Variants in KIRREL3 observed in about 807,000 individuals in gnomAD.
KIRREL3 encodes kin of IRRE-like protein 3.
KIRREL3 carries 36 observed loss-of-function variants against 89.7 expected under a neutral mutation model. The observed-to-expected ratio is 0.40, with a 90% confidence interval of 0.31 to 0.53. KIRREL3 has a LOEUF of 0.53. Among genes scored for constraint, KIRREL3 ranks in the 20% least tolerant of loss-of-function variants. KIRREL3 has a pLI of 0.49. For synonymous variants in KIRREL3, 445 were observed against 441.4 expected, an observed-to-expected ratio of 1.01 and a Z score of -0.10; for missense variants, 864 against 1,056.6, an observed-to-expected ratio of 0.82 and a Z score of 2.53.
chr11:126,493,806 C>T (rs565058481), intron 4 of KIRREL3, among the ~76,000 whole-genome samples: 83 of 152,122 alleles, frequency 5.5e-4, no homozygotes, highest in Non-Finnish European at 9.8e-4. Flanking sequence ...GGTGACAGGG[C>T]AGTCGCTGGC....
chr11:126,642,996 A>ATCCATCCATCCG lies in KIRREL3; in HGVS notation c.56-80085_56-80084insCGGATGGATGGA, dbSNP rs1171031624. Among the ~76,000 whole-genome samples the ATCCATCCATCCG allele has an allele frequency of 3.9e-3, 592 of 152,090 alleles. 1 individual carries two copies. The highest frequency in any genetic ancestry group is 0.013 in the African/African-American group (559 of 41,482). On this transcript the variant is annotated intron_variant, in intron 1 of 16. Coordinates refer to ENST00000525144, the MANE Select transcript of KIRREL3 (RefSeq NM_032531.4). The surrounding 1 kb of genome is among the most constrained non-coding windows in gnomAD (Gnocchi z 4.9). Reference sequence around the variant, plus strand: ...CTCCCTTCTTCCCTCCCATCCATCCATCCATCCATCCATCCATCCATCTAT... The same window carrying ATCCATCCATCCG: ...CTCCCTTCTTCCCTCCCATCCATCCATCCATCCATCCGTCCATCCATCCATCCATCCATCTAT...
Position 126,477,696 on chromosome 11 carries a change from A to C in KIRREL3, c.434-4230T>G, listed in dbSNP as rs1270605781. Among the ~76,000 whole-genome samples the C allele has an allele frequency of 1.3e-5, 2 of 152,174 alleles. No individual in the cohort carries two copies. Among genetic ancestry groups the C allele is most frequent in the East Asian group, 1.9e-4 (1 of 5,186 alleles). On this transcript the variant is annotated intron_variant, in intron 4 of 16. Coordinates refer to ENST00000525144, the MANE Select transcript of KIRREL3 (RefSeq NM_032531.4). The surrounding 1 kb of genome is among the most constrained non-coding windows in gnomAD (Gnocchi z 4.8). ...CTCTTGGTGCCAGGACAAGGACAGCACTGAGGGAATTTCCTCCAGTGTCCA... is the reference window on the plus strand; with the variant it reads ...CTCTTGGTGCCAGGACAAGGACAGCCCTGAGGGAATTTCCTCCAGTGTCCA...
chr11:126,760,863 A>C (rs1949646608), intron 1 of KIRREL3, among the ~76,000 whole-genome samples: 1 of 152,268 alleles, frequency 6.6e-6, no homozygotes, highest in African/African-American at 2.4e-5. Context: ...GAAACAGCCG[A>C]TGTGGAAAAA....
rs1266225022 is a variant in KIRREL3, at chr11:126,987,006, A to G, written c.55+13449T>C. Among the ~76,000 whole-genome samples, 1 of 152,098 alleles carries G rather than the reference A, an allele frequency of 6.6e-6. No individual in the cohort carries two copies. The highest frequency in any genetic ancestry group is 1.5e-5 in the Non-Finnish European group (1 of 68,004). On this transcript the variant is annotated intron_variant, in intron 1 of 16. Transcript: ENST00000525144. The surrounding 1 kb of genome is among the most constrained non-coding windows in gnomAD (Gnocchi z 4.6). ...CAGGCTGCTGGTCAAAACCCTTCTG[A>G]TGTAGAAGGTCTGGACTGGGGTCCA...
rs1949965714 is a variant in KIRREL3, at chr11:126,769,904, G to A, written c.56-206992C>T. Among the ~76,000 whole-genome samples, 1 of 152,280 alleles carries A rather than the reference G, an allele frequency of 6.6e-6. No homozygotes were observed. Among genetic ancestry groups the A allele is most frequent in the African/African-American group, 2.4e-5 (1 of 41,538 alleles). On this transcript the variant is annotated intron_variant, in intron 1 of 16. Coordinates refer to ENST00000525144, the MANE Select transcript of KIRREL3 (RefSeq NM_032531.4). The surrounding 1 kb of genome is among the most constrained non-coding windows in gnomAD (Gnocchi z 4.3). ...TAAAGGTAATAACACATACCCAGGGGGGTTGGCTTGGCGGAGTGTTGGGCA... is the reference window on the plus strand; with the variant it reads ...TAAAGGTAATAACACATACCCAGGGAGGTTGGCTTGGCGGAGTGTTGGGCA...
At chr11:126,936,695 C>T (rs921019117) in intron 1 of KIRREL3, 3 of 152,040 alleles carry the variant, frequency 2.0e-5, no homozygotes, top group Non-Finnish European at 4.4e-5. Context: ...TACGAAATGT[C>T]CAGAAAAGAC....
intron 1 of KIRREL3, among the ~76,000 whole-genome samples, chr11:126,852,628 G>A (rs949857925): frequency 6.6e-6 from 1 of 152,162 alleles, no homozygotes; most frequent in African/African-American, 2.4e-5. Flanking sequence ...ATCATGATGA[G>A]GTGAGCAAAG....
At chr11:126,591,131 C>A (rs1591788207) in intron 1 of KIRREL3, among the ~76,000 whole-genome samples, 1 of 152,222 alleles carries the variant, frequency 6.6e-6, no homozygotes, top group Non-Finnish European at 1.5e-5. Context: ...GAGTCTGAGG[C>A]AGGAGGATCG....
In KIRREL3 at chr11:126,786,964, G is replaced by A. The variant is rs1445820568; in HGVS notation, c.55+213491C>T. Reference sequence around the variant, plus strand: ...GAAGGAGCTGCTATTCCTGCAAGCAGGGGTTGGAAGGGAGAGGCAGTGGCT... The same window carrying A: ...GAAGGAGCTGCTATTCCTGCAAGCAAGGGTTGGAAGGGAGAGGCAGTGGCT... On this transcript the variant is annotated intron_variant, in intron 1 of 16. Transcript: ENST00000525144. Among the ~76,000 whole-genome samples the A allele has an allele frequency of 3.9e-5, 6 of 152,208 alleles. 1 individual carries two copies. Among genetic ancestry groups the A allele is most frequent in the Admixed American group, 3.9e-4 (6 of 15,280 alleles).
chr11:126,646,850 A>G (rs1944709899), intron 1 of KIRREL3, among the ~76,000 whole-genome samples: 1 of 152,196 alleles, frequency 6.6e-6, no homozygotes, highest in Non-Finnish European at 1.5e-5. Context: ...AACAAAACCA[A>G]TCTACCTACC....
At chr11:126,661,054 A>G (rs1177970485) in intron 1 of KIRREL3, among the ~76,000 whole-genome samples, 1 of 152,214 alleles carries the variant, frequency 6.6e-6, no homozygotes, top group Non-Finnish European at 1.5e-5. Context: ...CTTCTGTCAT[A>G]TAACATCTTG....
Position 126,687,995 on chromosome 11 carries a change from C to T in KIRREL3, c.56-125083G>A, listed in dbSNP as rs554760839. On this transcript the variant is annotated intron_variant, in intron 1 of 16. Transcript: ENST00000525144. The surrounding 1 kb of genome is among the most constrained non-coding windows in gnomAD (Gnocchi z 4.6). ...TGCCAGTTAAATTTGAGAGAGAAAT[C>T]ATTTTATTTACGAAAATGTCAAGGG... Among the ~76,000 whole-genome samples the T allele has an allele frequency of 6.6e-6, 1 of 152,240 alleles. No homozygotes were observed. The highest frequency in any genetic ancestry group is 6.5e-5 in the Admixed American group (1 of 15,284).
rs1183595352 is a variant in KIRREL3 at position 126,520,856 on chromosome 11, A to G, written c.433+459T>C. Among the ~76,000 whole-genome samples, 1 of 152,186 alleles carries G rather than the reference A, an allele frequency of 6.6e-6. No individual in the cohort carries two copies. The highest frequency in any genetic ancestry group is 2.4e-5 in the African/African-American group (1 of 41,438). ...TCACTGGTGTCCACATGGATACTAG[A>G]ATCATGGGGAGAATCGGGCTGATTC... On this transcript the variant is annotated intron_variant, in intron 4 of 16. Transcript: ENST00000525144. The surrounding 1 kb of genome is among the most constrained non-coding windows in gnomAD (Gnocchi z 4.9).
In KIRREL3 at chr11:126,928,642, G is replaced by A. The variant is rs112665275; in HGVS notation, c.55+71813C>T. Among the ~76,000 whole-genome samples, 341 of 152,334 alleles carry A rather than the reference G, an allele frequency of 2.2e-3. 2 individuals carry two copies. Among genetic ancestry groups the A allele is most frequent in the African/African-American group, 7.8e-3 (326 of 41,570 alleles). On this transcript the variant is annotated intron_variant, in intron 1 of 16. Coordinates refer to ENST00000525144, the MANE Select transcript of KIRREL3 (RefSeq NM_032531.4). The stretch of plus-strand genomic sequence containing the variant: ...GTTAGCCATGCTTGGGGGAGAGCAA[G>A]GTCTCAGTTAATGCAAAAGACCCTC...
intron 4 of KIRREL3, among the ~76,000 whole-genome samples, chr11:126,505,855 A>G (rs1957999462): frequency 6.6e-6 from 1 of 152,234 alleles, no homozygotes; most frequent in Admixed American, 6.5e-5. Flanking sequence ...AATACTCAAT[A>G]TTGTTAAGGT....
chr11:126,451,455 C>A (rs1032905899), intron 7 of KIRREL3, among the ~76,000 whole-genome samples: 3 of 108,326 alleles, frequency 2.8e-5, no homozygotes, highest in Non-Finnish European at 5.7e-5. Flanking sequence ...CAAGTGCATG[C>A]GCATGTGTGG....
rs1946261604 is a variant in KIRREL3 at position 126,677,733 on chromosome 11, C to T, written c.56-114821G>A. ...AATGAGTCCAGGGGAGCCCCCTGGA[C>T]CAAAGCAGGACAGAGCTAATTCCAG... On this transcript the variant is annotated intron_variant, in intron 1 of 16. Coordinates refer to ENST00000525144, the MANE Select transcript of KIRREL3 (RefSeq NM_032531.4). This position sits in a 1 kb window ranked among gnomAD's most constrained non-coding sequence, Gnocchi z 5.1. 6.6e-6 allele frequency among the ~76,000 whole-genome samples: 1 copy of T among 152,148 alleles called. No individual in the cohort carries two copies. Among genetic ancestry groups the T allele is most frequent in the Non-Finnish European group, 1.5e-5 (1 of 68,018 alleles).
chr11:126,731,216 C>T (rs1291570563), intron 1 of KIRREL3, among the ~76,000 whole-genome samples: 3 of 152,220 alleles, frequency 2.0e-5, no homozygotes, highest in East Asian at 3.8e-4. Flanking sequence ...GCCCAACTCT[C>T]CAGACCCACC....
intron 1 of KIRREL3, among the ~76,000 whole-genome samples, chr11:126,821,350 T>TAC (rs1943216217): frequency 7.7e-6 from 1 of 129,036 alleles, no homozygotes; most frequent in Admixed American, 7.7e-5. Flanking sequence ...TATATATATA[T>TAC]ATGTAACTTC....
Sources: allele counts gnomAD v4.1 joint callset (sites outside exome capture counted in the v4.1 genomes callset), GRCh38; gene constraint gnomAD v4.1.1; non-coding constraint Gnocchi (gnomAD v3.1); transcripts MANE v1.5; gene names NCBI Gene and HGNC (gene_info 2026-07-23, HGNC 2026-07-21).